The following ARMH1 variants were observed in gnomAD, a reference collection of about 807,000 sequenced individuals.
The protein encoded by ARMH1 is armadillo like helical domain containing 1, also known as armadillo-like helical domain containing protein 1.
ARMH1 carries 34 observed loss-of-function variants against 50.2 expected under a neutral mutation model. That is an observed-to-expected ratio of 0.68 (90% CI 0.51 to 0.90). ARMH1 has a LOEUF of 0.90. Ranked by LOEUF, ARMH1 falls within the 40% of genes least tolerant of loss-of-function variation. The pLI, the probability that ARMH1 is intolerant of heterozygous loss-of-function variation, is 0.00. For missense variants in ARMH1, 538 were observed against 553.9 expected (o/e 0.97, Z 0.29); for synonymous variants, 221 against 224.2 (o/e 0.99, Z 0.13).
chr1:44,710,821 G>T (rs1011376159), intron 6 of ARMH1, among the ~76,000 whole-genome samples: 1 of 151,972 alleles, frequency 6.6e-6, no homozygotes, highest in African/African-American at 2.4e-5. Context: ...CCCCCAAAAG[G>T]AAACCCTGAA....
intron 1 of ARMH1, among the ~76,000 whole-genome samples, chr1:44,680,733 A>G (rs1645280761): frequency 6.6e-6 from 1 of 152,122 alleles, no homozygotes; most frequent in Non-Finnish European, 1.5e-5. Context: ...GTGGGTGCTG[A>G]TACGATGATC....
chr1:44,687,317 A>G (rs1352939360), intron 1 of ARMH1, among the ~76,000 whole-genome samples: 1 of 152,344 alleles, frequency 6.6e-6, no homozygotes, highest in Admixed American at 6.5e-5. Flanking sequence ...CCCTAATGAC[A>G]TAGTTTAAAC....
intron 4 of ARMH1, among the ~76,000 whole-genome samples, chr1:44,698,539 G>A (rs1259927999): frequency 2.0e-5 from 3 of 152,056 alleles, no homozygotes; most frequent in Non-Finnish European, 2.9e-5. Context: ...GGCCGGGCGC[G>A]GTGGCTCACA....
chr1:44,717,191 G>A (rs1302273015), intron 6 of ARMH1, among the ~76,000 whole-genome samples: 1 of 152,170 alleles, frequency 6.6e-6, no homozygotes, highest in African/African-American at 2.4e-5. Flanking sequence ...TCCTGAGCGA[G>A]CTACTCAACT....
chr1:44,675,560 A>C (rs1316662468), intron 1 of ARMH1, among the ~76,000 whole-genome samples: 1 of 152,042 alleles, frequency 6.6e-6, no homozygotes, highest in African/African-American at 2.4e-5. Flanking sequence ...CTACTTGGAA[A>C]GCTGAGGTGG....
chr1:44,697,507 C>T (rs1417163481), intron 3 of ARMH1, among the ~76,000 whole-genome samples: 2 of 152,176 alleles, frequency 1.3e-5, no homozygotes, highest in Admixed American at 1.3e-4. Context: ...AGATCCAGGG[C>T]TCAAACAATG....
At position 44,724,838 on chromosome 1, in the gene ARMH1, T is replaced by C; in HGVS notation, c.1127T>C (p.Leu376Pro). ...GGGGAGGAACTCTACCAGCTCTTCC[T>C]GGTAAGTGCGCCCTTCCTGCCCCGC... Reference protein sequence around the residue: ...CMGEELYQLFLSNAEDLYMKI... With the variant: ...CMGEELYQLFPSNAEDLYMKI... The change falls in exon 10 of 12, where the codon CTG becomes CCG. Residue 376 changes from leucine to proline, a missense_variant and splice_region_variant. Transcript: ENST00000535358. The surrounding 1 kb of genome is among the most constrained non-coding windows in gnomAD (Gnocchi z 6.4). 6.5e-7 allele frequency: 1 copy of C among 1,537,462 alleles called. No individual in the cohort carries two copies. Among genetic ancestry groups the C allele is most frequent in the Non-Finnish European group, 8.7e-7 (1 of 1,144,954 alleles).
rs1645322853 is a variant in ARMH1, at chr1:44,681,826, C to G, written c.-23+6953C>G. Among the ~76,000 whole-genome samples, 1 of 152,140 alleles carries G rather than the reference C, an allele frequency of 6.6e-6. No individual in the cohort carries two copies. The highest frequency in any genetic ancestry group is 2.4e-5 in the African/African-American group (1 of 41,424). ...TGTAGACTTCATAGGTGGGATGGTG[C>G]TAGCCAGTCACAGATTTGGGGTGTG... On this transcript the variant is annotated intron_variant, in intron 1 of 11. Transcript: ENST00000535358. This position sits in a 1 kb window ranked among gnomAD's most constrained non-coding sequence, Gnocchi z 4.3.
intron 6 of ARMH1, among the ~76,000 whole-genome samples, chr1:44,711,263 C>T (rs890007554): frequency 6.6e-6 from 1 of 152,102 alleles, no homozygotes; most frequent in East Asian, 1.9e-4. Flanking sequence ...GTTGAGGAAC[C>T]CACTAAACTG....
chr1:44,679,718 C>T (rs776536121), intron 1 of ARMH1, among the ~76,000 whole-genome samples: 18 of 152,226 alleles, frequency 1.2e-4, no homozygotes, highest in Admixed American at 3.3e-4. Flanking sequence ...TCTGCCACTC[C>T]GCACATGGCA....
rs1447232734 is a variant in ARMH1 at position 44,724,680 on chromosome 1, G to T, written c.1050+12G>T. 6.7e-7 allele frequency: 1 copy of T among 1,482,862 alleles called. No homozygotes were observed. The highest frequency in any genetic ancestry group is 2.3e-4 in the Middle Eastern group (1 of 4,294). 91.9% of individuals were successfully genotyped at this position (1,482,862 alleles called of 1,614,324 possible). A position where few individuals can be genotyped will look rare whatever the true frequency, so the allele number is the denominator to read the frequency against. ...GCCTCACGCTGGAGGTGCGCGCGGC[G>T]GCTGGTTAGGGGGCGGGAAGGGCGG... On this transcript the variant is annotated intron_variant, in intron 9 of 11. Coordinates refer to ENST00000535358, the MANE Select transcript of ARMH1 (RefSeq NM_001145636.2). The surrounding 1 kb of genome is among the most constrained non-coding windows in gnomAD (Gnocchi z 6.4).
At chr1:44,710,646 C>G (rs532569856) in intron 6 of ARMH1, among the ~76,000 whole-genome samples, 1 of 150,448 alleles carries the variant, frequency 6.6e-6, no homozygotes, top group South Asian at 2.1e-4. Context: ...AAATTAATCA[C>G]AGATTTGGTT....
At chr1:44,699,624 T>C (rs1385553539) in intron 4 of ARMH1, among the ~76,000 whole-genome samples, 1 of 151,780 alleles carries the variant, frequency 6.6e-6, no homozygotes, top group African/African-American at 2.4e-5. Flanking sequence ...TAATTTTTGT[T>C]ATTTTTAGTA....
intron 1 of ARMH1, among the ~76,000 whole-genome samples, chr1:44,675,908 C>T (rs969858887): frequency 6.6e-6 from 1 of 151,992 alleles, no homozygotes; most frequent in East Asian, 1.9e-4. Context: ...GGCAGTGAGC[C>T]GAGATTGCTC....
In ARMH1 at chr1:44,725,505, A is replaced by AG. The variant is rs1648163165; in HGVS notation, c.*108dup. On this transcript the variant is annotated 3_prime_UTR_variant, in exon 12 of 12. Coordinates refer to ENST00000535358, the MANE Select transcript of ARMH1 (RefSeq NM_001145636.2). ...GCTCAGAGCCACTCCACTTGGCTCC[A>AG]GGGGGGAGACGGGGATTAGGCATCC... The AG allele has an allele frequency of 6.7e-6, 8 of 1,196,896 alleles. No homozygotes were observed. The highest frequency in any genetic ancestry group is 2.1e-5 in the Admixed American group (1 of 46,764). The allele number at this position is 1,196,896 out of a possible 1,614,324, so 74.1% of individuals were successfully genotyped here.
intron 4 of ARMH1, among the ~76,000 whole-genome samples, chr1:44,699,634 A>C (rs934907314): frequency 6.6e-6 from 1 of 151,820 alleles, no homozygotes; most frequent in Non-Finnish European, 1.5e-5. Flanking sequence ...TATTTTTAGT[A>C]GAGACGGGGT....
Position 44,697,188 on chromosome 1 carries a change from GTGA to G in ARMH1, c.275+20_275+22del. The G allele has an allele frequency of 6.5e-7, 1 of 1,543,544 alleles. No homozygotes were observed. The highest frequency in any genetic ancestry group is 8.8e-7 in the Non-Finnish European group (1 of 1,139,226). ...GTAAGCAGGTGAGTTCTGTTCTAGCGTGATTCTGGGGGTCTCAGTGGCATCTCA... is the reference window on the plus strand; with the variant it reads ...GTAAGCAGGTGAGTTCTGTTCTAGCGTTCTGGGGGTCTCAGTGGCATCTCA... On this transcript the variant is annotated intron_variant, in intron 3 of 11. Coordinates refer to ENST00000535358, the MANE Select transcript of ARMH1 (RefSeq NM_001145636.2).
intron 1 of ARMH1, among the ~76,000 whole-genome samples, chr1:44,685,336 T>C (rs559109698): frequency 4.9e-4 from 73 of 147,586 alleles, no homozygotes; most frequent in African/African-American, 1.8e-3. Context: ...CGAGACAGGG[T>C]CTTGCTGTGT....
chr1:44,721,565 A>G (rs562553482), intron 6 of ARMH1, among the ~76,000 whole-genome samples: 1 of 152,134 alleles, frequency 6.6e-6, no homozygotes, highest in Non-Finnish European at 1.5e-5. Context: ...ACAAGAAGCT[A>G]AAAAAACATG....
Sources: allele counts gnomAD v4.1 joint callset (sites outside exome capture counted in the v4.1 genomes callset), GRCh38; gene constraint gnomAD v4.1.1; non-coding constraint Gnocchi (gnomAD v3.1); transcripts MANE v1.5; gene names NCBI Gene and HGNC (gene_info 2026-07-23, HGNC 2026-07-21).